Variants in HPGDS observed in about 807,000 individuals in gnomAD.
The protein encoded by HPGDS is GST class-sigma.
In HPGDS, 26 loss-of-function variants were observed where a neutral mutation model predicts 23.1. The ratio of observed to expected loss-of-function variants is 1.13; its 90% CI spans 0.83 to 1.56. HPGDS has a LOEUF of 1.56. Ranked by LOEUF, HPGDS falls within the 40% of genes most tolerant of loss-of-function variation. The pLI is 0.00. For missense variants in HPGDS, 268 were observed against 236.4 expected, an observed-to-expected ratio of 1.13 and a Z score of -0.88; for synonymous variants, 95 against 77.9, an observed-to-expected ratio of 1.22 and a Z score of -1.16.
intron 2 of HPGDS, among the ~76,000 whole-genome samples, chr4:94,330,710 A>C (rs560815204): frequency 6.6e-6 from 1 of 151,670 alleles, no homozygotes; most frequent in African/African-American, 2.4e-5. Flanking sequence ...TTTTTCATTT[A>C]TTTGTCCTAT....
In HPGDS at chr4:94,300,671, A is replaced by G. The variant is rs1402092935; in HGVS notation, c.436-1027T>C. 2.0e-5 allele frequency among the ~76,000 whole-genome samples: 3 copies of G among 152,316 alleles called. No individual in the cohort carries two copies. In the East Asian group the frequency reaches 5.8e-4, roughly 29 times the overall value. The stretch of plus-strand genomic sequence containing the variant: ...AAGGTAGGATGCAAGCCCTTCTCTC[A>G]TGTAGCTTTTATTTTAGAAGGGAAA... On this transcript the variant is annotated intron_variant, in intron 5 of 5. Transcript: ENST00000295256.
chr4:94,329,139 G>A (rs1393858663), intron 2 of HPGDS, among the ~76,000 whole-genome samples: 1 of 151,902 alleles, frequency 6.6e-6, no homozygotes, highest in East Asian at 1.9e-4. Context: ...TTGTCAGGGA[G>A]AGGTTTTTTT....
intron 3 of HPGDS, among the ~76,000 whole-genome samples, chr4:94,313,069 G>C (rs540076388): frequency 0.011 from 1,611 of 152,240 alleles, 22 homozygotes; most frequent in African/African-American, 0.036. Flanking sequence ...ACAGCACACT[G>C]ATGGGTCTTG....
At chr4:94,303,829 G>C (rs545275596) in intron 4 of HPGDS, 2 of 152,080 alleles carry the variant, frequency 1.3e-5, no homozygotes, top group African/African-American at 2.4e-5. Context: ...CAATGTTTGT[G>C]TATATGCAGA....
chr4:94,322,921 C>A (rs942277023), intron 2 of HPGDS, among the ~76,000 whole-genome samples: 1 of 152,198 alleles, frequency 6.6e-6, no homozygotes, highest in African/African-American at 2.4e-5. Context: ...TTTCCCTGTA[C>A]ACACTGCTTT....
chr4:94,312,089 G>T (rs530690254), intron 3 of HPGDS, among the ~76,000 whole-genome samples: 1 of 152,008 alleles, frequency 6.6e-6, no homozygotes, highest in Non-Finnish European at 1.5e-5. Context: ...CAAAAAATAA[G>T]CTCCTGGATT....
At chr4:94,322,134 A>T (rs906400400) in intron 2 of HPGDS, among the ~76,000 whole-genome samples, 5 of 152,040 alleles carry the variant, frequency 3.3e-5, no homozygotes, top group Non-Finnish European at 5.9e-5. Flanking sequence ...TTGGTGGATA[A>T]GGTTTTTGAT....
chr4:94,321,426 T>G (rs1756507194), intron 2 of HPGDS, among the ~76,000 whole-genome samples: 3 of 152,224 alleles, frequency 2.0e-5, no homozygotes, highest in African/African-American at 7.2e-5. Context: ...GTTTGTATCC[T>G]CTTTTATTTT....
intron 5 of HPGDS, among the ~76,000 whole-genome samples, chr4:94,301,038 A>G (rs546474837): frequency 2.8e-4 from 42 of 152,290 alleles, no homozygotes; most frequent in Admixed American, 7.2e-4. Context: ...AAATTTTTCA[A>G]TAGGGCAGGG....
intron 2 of HPGDS, among the ~76,000 whole-genome samples, chr4:94,325,458 G>T (rs921816281): frequency 6.6e-6 from 1 of 152,150 alleles, no homozygotes; most frequent in Non-Finnish European, 1.5e-5. Flanking sequence ...CTTCCCAGCC[G>T]CTTTGTTTAC....
intron 2 of HPGDS, among the ~76,000 whole-genome samples, chr4:94,323,516 AT>A (rs1293072646): frequency 6.6e-6 from 1 of 152,138 alleles, no homozygotes; most frequent in Non-Finnish European, 1.5e-5. Flanking sequence ...CCATTATGTA[AT>A]GGCCTTCTTT....
intron 2 of HPGDS, among the ~76,000 whole-genome samples, chr4:94,330,873 G>A (rs1486206080): frequency 4.6e-5 from 7 of 152,188 alleles, no homozygotes; most frequent in Admixed American, 1.3e-4. Context: ...TAAATTTAAA[G>A]GAGTTTAACT....
intron 4 of HPGDS, among the ~76,000 whole-genome samples, chr4:94,307,856 C>T (rs1395882001): frequency 1.3e-5 from 2 of 152,086 alleles, no homozygotes; most frequent in Non-Finnish European, 2.9e-5. Context: ...CAGTTCTGTG[C>T]ATTATTTGCA....
chr4:94,303,479 T>C (rs1489401108), intron 4 of HPGDS, among the ~76,000 whole-genome samples: 1 of 152,188 alleles, frequency 6.6e-6, no homozygotes, highest in Admixed American at 6.5e-5. Flanking sequence ...TACTTACATA[T>C]GTTTGCCAGA....
At chr4:94,306,144 A>G (rs1442891956) in intron 4 of HPGDS, among the ~76,000 whole-genome samples, 1 of 152,076 alleles carries the variant, frequency 6.6e-6, no homozygotes, top group Non-Finnish European at 1.5e-5. Flanking sequence ...GTGGGGGATC[A>G]GTTGAATAAT....
intron 4 of HPGDS, among the ~76,000 whole-genome samples, chr4:94,303,290 G>A (rs1417697595): frequency 6.6e-6 from 1 of 152,098 alleles, no homozygotes. Context: ...AATCCAAGAC[G>A]TTTTGAGCAT....
chr4:94,337,157 G>T (rs1033255581), intron 1 of HPGDS, among the ~76,000 whole-genome samples: 1 of 151,886 alleles, frequency 6.6e-6, no homozygotes, highest in African/African-American at 2.4e-5. Flanking sequence ...TAGAGATGGG[G>T]TTTCACTTAT....
rs759548382 is a variant in HPGDS at position 94,302,242 on chromosome 4, C to G, written c.339G>C (p.Glu113Asp). The G allele has an allele frequency of 9.4e-6, 15 of 1,602,406 alleles. No homozygotes were observed. The highest frequency in any genetic ancestry group is 3.3e-4 in the Middle Eastern group (2 of 6,022). Reference protein sequence around the residue: ...PWAEKKQDVKEQMFNELLTYN... With the variant: ...PWAEKKQDVKDQMFNELLTYN... Reference sequence around the variant, plus strand: ...ACGTGAGCAGCTCATTGAACATCTGCTCCTAGGAGAAGGAGAAAATATCAC... The same window carrying G: ...ACGTGAGCAGCTCATTGAACATCTGGTCCTAGGAGAAGGAGAAAATATCAC... Residue 113 changes from glutamate (E) to aspartate (D), a missense_variant and splice_region_variant, in exon 5 of 6, where the codon GAG becomes GAC. Coordinates refer to ENST00000295256, the MANE Select transcript of HPGDS (RefSeq NM_014485.3).
At chr4:94,320,709 G>A (rs1156295840) in intron 2 of HPGDS, among the ~76,000 whole-genome samples, 4 of 152,182 alleles carry the variant, frequency 2.6e-5, no homozygotes, top group Admixed American at 6.5e-5. Context: ...CCATTCTGCA[G>A]GTTGCCTGTT....
Sources: gnomAD v4.1 joint callset for allele counts (sites outside exome capture counted in the v4.1 genomes callset) on GRCh38, gnomAD v4.1.1 for gene constraint, MANE v1.5 for transcripts, NCBI Gene and HGNC (gene_info 2026-07-23, HGNC 2026-07-21) for gene names.